The following FBXW7 variants were observed in gnomAD, a reference collection of about 807,000 sequenced individuals.
The protein encoded by FBXW7 is F-box/WD repeat-containing protein 7.
Under a neutral mutation model 86.3 loss-of-function variants are expected in FBXW7, and 11 were observed. That is an observed-to-expected ratio of 0.13 (90% CI 0.08 to 0.21). The LOEUF (loss-of-function observed/expected upper bound fraction) is 0.21, where lower values mean the gene tolerates loss of function less well. FBXW7 is among the 10% of genes least tolerant of loss of function. FBXW7 has a pLI of 1.00. For synonymous variants in FBXW7, 313 were observed against 297.9 expected, an observed-to-expected ratio of 1.05 and a Z score of -0.52; for missense variants, 488 against 847.4, an observed-to-expected ratio of 0.58 and a Z score of 5.27.
intron 2 of FBXW7, among the ~76,000 whole-genome samples, chr4:152,469,442 C>T (rs1285572614): frequency 1.3e-5 from 2 of 151,890 alleles, no homozygotes; most frequent in Non-Finnish European, 2.9e-5. Context: ...CTACAGACAC[C>T]TACAAAATTT....
intron 4 of FBXW7, among the ~76,000 whole-genome samples, chr4:152,398,062 C>T (rs1736577657): frequency 6.6e-6 from 1 of 151,588 alleles, no homozygotes; most frequent in African/African-American, 2.4e-5. Context: ...ATGCTAGCTG[C>T]TTGTTAAAAA....
chr4:152,381,021 A>G (rs973435334), intron 4 of FBXW7, among the ~76,000 whole-genome samples: 1 of 152,106 alleles, frequency 6.6e-6, no homozygotes, highest in Non-Finnish European at 1.5e-5. Context: ...AGTAAAGTAC[A>G]AAAGTAACAA....
At chr4:152,486,853 G>A (rs1306843115) in intron 2 of FBXW7, among the ~76,000 whole-genome samples, 1 of 152,116 alleles carries the variant, frequency 6.6e-6, no homozygotes, top group East Asian at 1.9e-4. Flanking sequence ...TGGCAGCACA[G>A]TAGATTTGAC....
In FBXW7 at chr4:152,322,748, T is replaced by G; in HGVS notation, c.*133A>C. ...TAGTCTGTAGGTCTTTTCAATCTGT[T>G]GCCCCAAGCCAACATCCTGCACCAC... On this transcript the variant is annotated 3_prime_UTR_variant, in exon 14 of 14. Coordinates refer to ENST00000281708, the MANE Select transcript of FBXW7 (RefSeq NM_001349798.2). 1 of 1,424,498 alleles carries G rather than the reference T, an allele frequency of 7.0e-7. No individual in the cohort carries two copies. Among genetic ancestry groups the G allele is most frequent in the Non-Finnish European group, 9.3e-7 (1 of 1,072,976 alleles). The allele number at this position is 1,424,498 out of a possible 1,614,324, so 88.2% of individuals were successfully genotyped here.
At chr4:152,376,304 T>C (rs985772556) in intron 4 of FBXW7, among the ~76,000 whole-genome samples, 1 of 152,112 alleles carries the variant, frequency 6.6e-6, no homozygotes, top group East Asian at 1.9e-4. Flanking sequence ...AAATTTGCTT[T>C]ACCAACAGAG....
chr4:152,411,074 G>C lies in FBXW7; in HGVS notation c.501+229C>G, dbSNP rs558119429. 9.9e-4 allele frequency: 738 copies of C among 746,022 alleles called. 1 individual carries two copies. The highest frequency in any genetic ancestry group is 1.3e-3 in the Non-Finnish European group (676 of 529,122). 46.2% of individuals were successfully genotyped at this position (746,022 alleles called of 1,614,324 possible). ...AATTTGATGTTAATAATTTTTCATA[G>C]TAATAGGCTCAATTACTTTCCCTCC... On this transcript the variant is annotated intron_variant, in intron 4 of 13. Coordinates refer to ENST00000281708, the MANE Select transcript of FBXW7 (RefSeq NM_001349798.2).
chr4:152,405,619 G>T (rs768742316), intron 4 of FBXW7, among the ~76,000 whole-genome samples: 1 of 152,184 alleles, frequency 6.6e-6, no homozygotes, highest in South Asian at 2.1e-4. Context: ...TGTCAAGGAC[G>T]TGGCGTTATA....
intron 2 of FBXW7, among the ~76,000 whole-genome samples, chr4:152,417,394 A>G (rs1290835269): frequency 1.3e-5 from 2 of 152,134 alleles, no homozygotes; most frequent in Non-Finnish European, 2.9e-5. Flanking sequence ...TTTCCTCAAA[A>G]ATTTAGTCAA....
At chr4:152,499,021 A>C (rs1746649651) in intron 2 of FBXW7, among the ~76,000 whole-genome samples, 1 of 152,202 alleles carries the variant, frequency 6.6e-6, no homozygotes, top group South Asian at 2.1e-4. Context: ...AGAGAAAATA[A>C]ATTTATTAAT....
chr4:152,530,378 G>C (rs959517116), intron 2 of FBXW7: 1 of 152,024 alleles, frequency 6.6e-6, no homozygotes, highest in Admixed American at 6.6e-5. Context: ...TTTTACACAC[G>C]AAGTAAATGC....
rs144788317 is a variant in FBXW7, at chr4:152,411,469, T to C, written c.335A>G (p.Asp112Gly). 6.2e-7 allele frequency: 1 copy of C among 1,613,450 alleles called. No individual in the cohort carries two copies. Among genetic ancestry groups the C allele is most frequent in the Non-Finnish European group, 8.5e-7 (1 of 1,179,788 alleles). Residue 112 changes from aspartate to glycine, a missense_variant, in exon 4 of 14, where the codon GAT becomes GGT. This residue lies in a region of FBXW7 where 230 missense variants were observed against 240.0 expected (regional missense o/e 0.96). Coordinates refer to ENST00000281708, the MANE Select transcript of FBXW7 (RefSeq NM_001349798.2). Reference protein sequence around the residue: ...EEHAGEQDEEDEEEEEMDQES... With the variant: ...EEHAGEQDEEGEEEEEMDQES... The stretch of plus-strand genomic sequence containing the variant: ...CTGGTCCATCTCCTCCTCCTCCTCA[T>C]CCTCCTCATCTTGTTCACCAGCATG...
At chr4:152,475,146 A>AATG (rs1350720548) in intron 2 of FBXW7, among the ~76,000 whole-genome samples, 37 of 150,268 alleles carry the variant, frequency 2.5e-4, no homozygotes, top group Admixed American at 4.7e-4. Flanking sequence ...TAATAATAAT[A>AATG]ATGATAATAA....
rs1276934029 is a variant in FBXW7 at position 152,355,159 on chromosome 4, A to G, written c.502-5035T>C. The stretch of plus-strand genomic sequence containing the variant: ...AATGAAAACTGTGATCTATTATATT[A>G]CTGTCATCATAATCTTAATATGAAC... On this transcript the variant is annotated intron_variant, in intron 4 of 13. Transcript: ENST00000281708. Among the ~76,000 whole-genome samples the G allele has an allele frequency of 2.0e-5, 3 of 152,128 alleles. No homozygotes were observed. In the South Asian group the frequency reaches 6.2e-4, roughly 31 times the overall value.
intron 2 of FBXW7, among the ~76,000 whole-genome samples, chr4:152,497,260 T>C (rs1486999927): frequency 6.7e-6 from 1 of 148,548 alleles, no homozygotes; most frequent in Non-Finnish European, 1.5e-5. Context: ...GAGGCAGAAT[T>C]TGTGTGAGCC....
intron 6 of FBXW7, among the ~76,000 whole-genome samples, chr4:152,339,665 G>A (rs1730513398): frequency 6.6e-6 from 1 of 152,164 alleles, no homozygotes; most frequent in South Asian, 2.1e-4. Flanking sequence ...GCTTAGGCCA[G>A]GTGTGTTGGC....
At chr4:152,418,610 A>T (rs986782797) in intron 2 of FBXW7, among the ~76,000 whole-genome samples, 2 of 152,194 alleles carry the variant, frequency 1.3e-5, no homozygotes, top group African/African-American at 4.8e-5. Context: ...CTTGAGAAAA[A>T]AGGAAAAAGA....
At chr4:152,463,152 G>A (rs909037496) in intron 2 of FBXW7, among the ~76,000 whole-genome samples, 1 of 151,890 alleles carries the variant, frequency 6.6e-6, no homozygotes, top group African/African-American at 2.4e-5. Flanking sequence ...GCTGGGCGTG[G>A]TGGTGGGCGC....
intron 4 of FBXW7, among the ~76,000 whole-genome samples, chr4:152,395,685 T>A (rs1476815751): frequency 6.6e-6 from 1 of 151,940 alleles, no homozygotes; most frequent in Non-Finnish European, 1.5e-5. Flanking sequence ...ACAACCCAAT[T>A]CCCATTAATG....
In FBXW7 at chr4:152,445,910, T is replaced by TAAAAA. The variant is rs11457603; in HGVS notation, c.-119-33386_-119-33382dup. ...GGGTGACACAGCAAGACTCTGTCTT[T>TAAAAA]AAAAAAAAAAAAAAAAAAAAAAAAA... On this transcript the variant is annotated intron_variant, in intron 2 of 13. Transcript: ENST00000281708. Among the ~76,000 whole-genome samples, 334 of 100,598 alleles carry TAAAAA rather than the reference T, an allele frequency of 3.3e-3. 5 individuals carry two copies. Among genetic ancestry groups the TAAAAA allele is most frequent in the Non-Finnish European group, 4.1e-3 (179 of 43,738 alleles). The allele number at this position is 100,598 out of a possible 152,430, so 66.0% of individuals were successfully genotyped here. A position where few individuals can be genotyped will look rare whatever the true frequency, so the allele number is the denominator to read the frequency against.
Sources: gnomAD v4.1 joint callset for allele counts (sites outside exome capture counted in the v4.1 genomes callset) on GRCh38, gnomAD v4.1.1 for gene constraint, gnomAD v4.1.1 regional missense constraint, MANE v1.5 for transcripts, NCBI Gene and HGNC (gene_info 2026-07-23, HGNC 2026-07-21) for gene names.